The following TNRC6B variants were observed in gnomAD, a reference collection of about 807,000 sequenced individuals.
The protein encoded by TNRC6B is trinucleotide repeat containing adaptor 6B.
A neutral mutation model predicts 203.6 loss-of-function variants in TNRC6B; 52 were observed. The observed-to-expected ratio is 0.26, with a 90% CI of 0.20 to 0.32. TNRC6B has a LOEUF of 0.32. TNRC6B is among the 10% of genes least tolerant of loss of function. The pLI is 1.00. For missense variants in TNRC6B, 1,923 were observed against 2,286.2 expected (o/e 0.84, Z 3.24); for synonymous variants, 838 against 845.7 (o/e 0.99, Z 0.16).
chr22:40,201,680 C>G (rs1302532492), intron 1 of TNRC6B, among the ~76,000 whole-genome samples: 9 of 151,936 alleles, frequency 5.9e-5, no homozygotes, highest in Admixed American at 5.9e-4. Context: ...CCACCTCGGC[C>G]TCTTGAGTAG....
intron 13 of TNRC6B, 75 bp from the exon 14 acceptor site, chr22:40,300,835 A>AC: frequency 3.5e-6 from 5 of 1,441,464 alleles, no homozygotes; most frequent in Non-Finnish European, 4.8e-6. Context: ...ACTTCAGTGC[A>AC]CAGACCCTTT....
intron 1 of TNRC6B, among the ~76,000 whole-genome samples, chr22:40,097,669 T>TACACACACACAC (rs6147625): frequency 3.7e-4 from 50 of 135,638 alleles, no homozygotes; most frequent in South Asian, 7.2e-4. Flanking sequence ...AGGTATATCA[T>TACACACACACAC]ACACACACAC....
intron 1 of TNRC6B, among the ~76,000 whole-genome samples, chr22:40,215,302 A>G (rs1555890250): frequency 1.3e-5 from 2 of 152,114 alleles, no homozygotes; most frequent in Admixed American, 6.6e-5. Flanking sequence ...TGTGTGATTT[A>G]TCAGTTAAGT....
intron 15 of TNRC6B, among the ~76,000 whole-genome samples, chr22:40,302,696 C>G (rs1453326093): frequency 6.6e-6 from 1 of 151,590 alleles, no homozygotes; most frequent in Non-Finnish European, 1.5e-5. Flanking sequence ...GACAGTGTGA[C>G]CCTGGACAAA....
At chr22:40,112,832 G>C (rs1262485409) in intron 1 of TNRC6B, among the ~76,000 whole-genome samples, 1 of 152,176 alleles carries the variant, frequency 6.6e-6, no homozygotes, top group Non-Finnish European at 1.5e-5. Flanking sequence ...CTAGAAGCTT[G>C]ACTAGGCCAG....
chr22:40,289,821 G>A (rs981515872), intron 12 of TNRC6B, among the ~76,000 whole-genome samples: 2 of 152,122 alleles, frequency 1.3e-5, no homozygotes, highest in African/African-American at 2.4e-5. Context: ...TTGCCTTACA[G>A]GTTAACATGT....
At chr22:40,204,323 C>T (rs573560049) in intron 1 of TNRC6B, among the ~76,000 whole-genome samples, 3 of 152,298 alleles carry the variant, frequency 2.0e-5, no homozygotes, top group South Asian at 2.1e-4. Context: ...CATTTATTCA[C>T]GGACCATTGG....
In TNRC6B at chr22:40,327,128, G is replaced by C. The variant is rs552890226; in HGVS notation, c.*3887G>C. Reference sequence around the variant, plus strand: ...CCCAGTGGGAAGGAAACTCCAGCTCGACAGGTAAAGGGAGTGGGTGGGGTT... The same window carrying C: ...CCCAGTGGGAAGGAAACTCCAGCTCCACAGGTAAAGGGAGTGGGTGGGGTT... On this transcript the variant is annotated 3_prime_UTR_variant, in exon 23 of 23. Coordinates refer to ENST00000454349, the MANE Select transcript of TNRC6B (RefSeq NM_001162501.2). 6.5e-6 allele frequency: 1 copy of C among 153,084 alleles called. No individual in the cohort carries two copies. The highest frequency in any genetic ancestry group is 1.9e-4 in the East Asian group (1 of 5,186). The allele number at this position is 153,084 out of a possible 1,614,324, so 9.5% of individuals were successfully genotyped here.
chr22:40,167,673 A>G (rs2068931500), intron 4 of TNRC6B, among the ~76,000 whole-genome samples: 1 of 149,530 alleles, frequency 6.7e-6, no homozygotes, highest in Admixed American at 6.7e-5. Flanking sequence ...TGAACCCAAA[A>G]ATTGAGACCA....
At chr22:40,321,884 G>T (rs2071338709) in intron 22 of TNRC6B, 1 of 152,318 alleles carries the variant, frequency 6.6e-6, no homozygotes. Context: ...GAAATATTGT[G>T]GTCTTGGGGG....
In TNRC6B at chr22:40,301,164, G is replaced by T. The variant is rs748285307; in HGVS notation, c.3951G>T (p.Val1317=). 1.6e-5 allele frequency: 25 copies of T among 1,546,138 alleles called. No individual in the cohort carries two copies. The highest frequency in any genetic ancestry group is 5.9e-5 in the Admixed American group (3 of 50,748). ...QQQEQQLARM[V]SALQQQQQQQ... Reference sequence around the variant, plus strand: ...TTGGCCCTCAGCTGGCTCGAATGGTGAGTGCACTGCAGCAGCAGCAGCAGC... The same window carrying T: ...TTGGCCCTCAGCTGGCTCGAATGGTTAGTGCACTGCAGCAGCAGCAGCAGC... The change falls in exon 15 of 23, where the codon GTG becomes GTT. Residue 1317 remains valine (V), a synonymous_variant. Coordinates refer to ENST00000454349, the MANE Select transcript of TNRC6B (RefSeq NM_001162501.2).
At chr22:40,290,181 A>G (rs1696414634) in intron 12 of TNRC6B, among the ~76,000 whole-genome samples, 2 of 152,200 alleles carry the variant, frequency 1.3e-5, no homozygotes, top group Admixed American at 6.5e-5. Flanking sequence ...CGTCAGCCAC[A>G]TCAGCCCTTG....
intron 1 of TNRC6B, among the ~76,000 whole-genome samples, chr22:40,115,465 C>T (rs2146316404): frequency 6.6e-6 from 1 of 152,224 alleles, no homozygotes; most frequent in East Asian, 1.9e-4. Flanking sequence ...TCAATTTTTA[C>T]CAATGCATTT....
intron 11 of TNRC6B, 103 bp from the exon 12 acceptor site, chr22:40,285,542 C>T (rs573424336): frequency 1.4e-6 from 2 of 1,379,982 alleles, no homozygotes; most frequent in South Asian, 2.9e-5. Context: ...TTCCATCGAA[C>T]ACAGCCTGTG....
Position 40,243,026 on chromosome 22 carries a change from G to A in TNRC6B, c.6-2989G>A, listed in dbSNP as rs534854456. Among the ~76,000 whole-genome samples, 27 of 152,056 alleles carry A rather than the reference G, an allele frequency of 1.8e-4. 1 individual carries two copies. Among genetic ancestry groups the A allele is most frequent in the South Asian group, 1.0e-3 (5 of 4,822 alleles). On this transcript the variant is annotated intron_variant, in intron 1 of 22. Transcript: ENST00000454349. Reference sequence around the variant, plus strand: ...TGAGACTACAGGCGTGTGCCACCACGCCCAGCTAATTTTTTTGTATTTTTA... The same window carrying A: ...TGAGACTACAGGCGTGTGCCACCACACCCAGCTAATTTTTTTGTATTTTTA...
chr22:40,069,780 G>T (rs1042519308), intron 1 of TNRC6B, among the ~76,000 whole-genome samples: 1 of 152,074 alleles, frequency 6.6e-6, no homozygotes, highest in Non-Finnish European at 1.5e-5. Flanking sequence ...GAGGCACTGC[G>T]CCCGGCCGAG....
At chr22:40,167,735 G>T (rs2068932878) in intron 4 of TNRC6B, among the ~76,000 whole-genome samples, 1 of 139,966 alleles carries the variant, frequency 7.1e-6, no homozygotes, top group African/African-American at 2.7e-5. Context: ...AAAAAAGCTG[G>T]CCATGGTGGC....
chr22:40,303,503 T>C (rs772819685), intron 15 of TNRC6B, among the ~76,000 whole-genome samples: 14 of 152,264 alleles, frequency 9.2e-5, no homozygotes, highest in Non-Finnish European at 1.9e-4. Context: ...AGCTTGTTTC[T>C]ATATTTGTTA....
At chr22:40,112,922 A>G (rs7289694) in intron 1 of TNRC6B, among the ~76,000 whole-genome samples, 57,922 of 152,054 alleles carry the variant, frequency 0.38, 16,666 homozygotes, top group African/African-American at 0.81. Context: ...AGTTCAAGAC[A>G]AGCCTGGTCA....
Sources: allele counts gnomAD v4.1 joint callset (sites outside exome capture counted in the v4.1 genomes callset), GRCh38; gene constraint gnomAD v4.1.1; transcripts MANE v1.5; gene names NCBI Gene and HGNC (gene_info 2026-07-23, HGNC 2026-07-21).